Variants in TTC39B observed in about 807,000 individuals in gnomAD.
TTC39B encodes the protein tetratricopeptide repeat protein 39B.
TTC39B carries 92 observed loss-of-function variants against 96.6 expected under a neutral mutation model. That is an observed-to-expected ratio of 0.95 (90% confidence interval 0.80 to 1.13). The LOEUF is 1.13. TTC39B is among the 50% of genes most tolerant of loss of function. The probability of loss-of-function intolerance (pLI) is 0.00; values close to 1 mark genes in which losing one functional copy is unlikely to be tolerated. For missense variants in TTC39B, 955 were observed against 809.3 expected, an observed-to-expected ratio of 1.18 and a Z score of -2.18; for synonymous variants, 367 against 299.4, an observed-to-expected ratio of 1.23 and a Z score of -2.33.
At chr9:15,192,243 T>C (rs1818900166) in intron 9 of TTC39B, among the ~76,000 whole-genome samples, 1 of 152,348 alleles carries the variant, frequency 6.6e-6, no homozygotes, top group South Asian at 2.1e-4. Context: ...CCTCAAGTTA[T>C]ACTGGTCCCT....
chr9:15,219,577 G>A (rs1000248314), intron 3 of TTC39B, among the ~76,000 whole-genome samples: 2 of 152,116 alleles, frequency 1.3e-5, no homozygotes, highest in African/African-American at 4.8e-5. Flanking sequence ...TCCAAGAGGT[G>A]CCCTCCCTGT....
intron 7 of TTC39B, among the ~76,000 whole-genome samples, chr9:15,200,913 C>T (rs1208393839): frequency 1.3e-5 from 2 of 152,148 alleles, no homozygotes; most frequent in African/African-American, 4.8e-5. Flanking sequence ...GCAGGAGAAT[C>T]ACTTGAACCT....
chr9:15,201,847 C>G (rs1819559281), intron 7 of TTC39B, among the ~76,000 whole-genome samples: 1 of 152,090 alleles, frequency 6.6e-6, no homozygotes, highest in South Asian at 2.1e-4. Flanking sequence ...CAGAATACTG[C>G]CATACTCAAT....
intron 6 of TTC39B, among the ~76,000 whole-genome samples, chr9:15,204,143 T>C (rs1303249247): frequency 6.6e-6 from 1 of 152,188 alleles, no homozygotes; most frequent in Non-Finnish European, 1.5e-5. Flanking sequence ...TCACTTCGTA[T>C]CAGAGACGCA....
At chr9:15,300,201 T>C (rs1254739880) in intron 1 of TTC39B, among the ~76,000 whole-genome samples, 1 of 152,150 alleles carries the variant, frequency 6.6e-6, no homozygotes, top group South Asian at 2.1e-4. Context: ...GTTAGTTTCA[T>C]CTGCTTGCTG....
chr9:15,172,234 C>G (rs980731389), intron 19 of TTC39B, 125 bp from the exon 20 acceptor site: 18 of 546,996 alleles, frequency 3.3e-5, no homozygotes, highest in African/African-American at 3.1e-4. Flanking sequence ...AACCGTAGAT[C>G]TTAGTAAAAT....
intron 7 of TTC39B, among the ~76,000 whole-genome samples, chr9:15,202,194 T>C (rs1819579777): frequency 6.6e-6 from 1 of 152,178 alleles, no homozygotes. Context: ...AAATCCCAGA[T>C]TTGATTGCCA....
intron 2 of TTC39B, chr9:15,250,135 C>G: frequency 1.6e-6 from 2 of 1,236,536 alleles, no homozygotes; most frequent in Non-Finnish European, 2.1e-6. Context: ...AGGCAGCTGA[C>G]AGCATCCCAG....
intron 2 of TTC39B, among the ~76,000 whole-genome samples, chr9:15,238,831 T>C (rs1034150754): frequency 6.6e-6 from 1 of 151,978 alleles, no homozygotes; most frequent in African/African-American, 2.4e-5. Context: ...ACAAAAAATA[T>C]GAAAATTATC....
At chr9:15,251,100 G>A (rs556757700) in intron 2 of TTC39B, among the ~76,000 whole-genome samples, 18 of 152,234 alleles carry the variant, frequency 1.2e-4, no homozygotes, top group African/African-American at 3.9e-4. Context: ...GGAGGCTGAG[G>A]CAGAAGAATC....
chr9:15,200,628 C>T lies in TTC39B; in HGVS notation c.760-703G>A, dbSNP rs57288989. Among the ~76,000 whole-genome samples, 854 of 152,320 alleles carry T rather than the reference C, an allele frequency of 5.6e-3. 2 individuals are homozygous for T. Among genetic ancestry groups the T allele is most frequent in the African/African-American group, 0.019 (804 of 41,568 alleles). On this transcript the variant is annotated intron_variant, in intron 7 of 19. Transcript: ENST00000512701. ...TCAAATAACCACTTGAAGGAAGTTA[C>T]TCTAATAGATGGTACTAGTGGAGAC...
intron 2 of TTC39B, among the ~76,000 whole-genome samples, chr9:15,227,521 G>A (rs1047233396): frequency 6.6e-6 from 1 of 152,156 alleles, no homozygotes; most frequent in Non-Finnish European, 1.5e-5. Context: ...TGGGTGGTGG[G>A]AGGGAAGAAA....
chr9:15,270,125 G>GC (rs927023612), intron 1 of TTC39B, among the ~76,000 whole-genome samples: 10 of 151,692 alleles, frequency 6.6e-5, no homozygotes, highest in African/African-American at 2.4e-4. Context: ...AGTCAAGATT[G>GC]CCCCACTGCA....
intron 3 of TTC39B, 37 bp downstream of exon 3, chr9:15,225,880 C>T (rs756111637): frequency 6.3e-7 from 1 of 1,582,624 alleles, no homozygotes; most frequent in Non-Finnish European, 8.7e-7. Flanking sequence ...GACTGTCCTC[C>T]CCTCTTCCCC....
chr9:15,234,595 A>T (rs1821676432), intron 2 of TTC39B, among the ~76,000 whole-genome samples: 1 of 152,076 alleles, frequency 6.6e-6, no homozygotes, highest in South Asian at 2.1e-4. Flanking sequence ...AAAGAGGGGA[A>T]AGGTGGGGAA....
chr9:15,291,063 C>T (rs1587018848), intron 1 of TTC39B, among the ~76,000 whole-genome samples: 2 of 152,334 alleles, frequency 1.3e-5, no homozygotes, highest in South Asian at 2.1e-4. Flanking sequence ...GGATAAAACT[C>T]TCACATTGTT....
chr9:15,253,068 G>A (rs1051173051), intron 2 of TTC39B, among the ~76,000 whole-genome samples: 3 of 152,320 alleles, frequency 2.0e-5, no homozygotes, highest in East Asian at 1.9e-4. Flanking sequence ...TACATACACA[G>A]ATAAACATAT....
intron 3 of TTC39B, among the ~76,000 whole-genome samples, chr9:15,221,880 G>C (rs1040185940): frequency 6.6e-6 from 1 of 152,070 alleles, no homozygotes; most frequent in Non-Finnish European, 1.5e-5. Flanking sequence ...GTATTGCATT[G>C]TTACATATGG....
chr9:15,189,211 C>G (rs1201916780), intron 13 of TTC39B, among the ~76,000 whole-genome samples: 1 of 152,132 alleles, frequency 6.6e-6, no homozygotes, highest in Non-Finnish European at 1.5e-5. Flanking sequence ...GGAGCCCACA[C>G]GTAGTAGACC....
Sources: gnomAD v4.1 joint callset for allele counts (sites outside exome capture counted in the v4.1 genomes callset) on GRCh38, gnomAD v4.1.1 for gene constraint, MANE v1.5 for transcripts, NCBI Gene and HGNC (gene_info 2026-07-23, HGNC 2026-07-21) for gene names.